The following MBD5 variants were observed in gnomAD, a reference collection of about 807,000 sequenced individuals.
The protein encoded by MBD5 is methyl-CpG-binding domain protein 5.
Under a neutral mutation model 117.3 loss-of-function variants are expected in MBD5, and 13 were observed. That is an observed-to-expected ratio of 0.11 (90% CI 0.07 to 0.18). The LOEUF (loss-of-function observed/expected upper bound fraction) is 0.18. Ranked by LOEUF, MBD5 falls within the 10% of genes least tolerant of loss-of-function variation. MBD5 has a pLI of 1.00. For missense variants in MBD5, 1,879 were observed against 2,093.8 expected (o/e 0.90, Z 2.00); for synonymous variants, 727 against 766.4 (o/e 0.95, Z 0.85).
intron 4 of MBD5, among the ~76,000 whole-genome samples, chr2:148,387,307 A>G (rs1260821161): frequency 1.3e-5 from 2 of 152,180 alleles, no homozygotes; most frequent in African/African-American, 4.8e-5. Context: ...AGAAAAAAAC[A>G]TGATCATCTC....
chr2:148,483,014 T>G, intron 8 of MBD5, 96 bp from the exon 9 acceptor site: 1 of 1,403,578 alleles, frequency 7.1e-7, no homozygotes, highest in Middle Eastern at 1.8e-4. Context: ...ATGGAACAAA[T>G]AAATTTAAAT....
At chr2:148,400,675 T>A (rs1268154945) in intron 4 of MBD5, among the ~76,000 whole-genome samples, 1 of 152,232 alleles carries the variant, frequency 6.6e-6, no homozygotes, top group African/African-American at 2.4e-5. Flanking sequence ...AAGCTCTGAA[T>A]ATCACTTTCT....
At chr2:148,046,380 C>T (rs1329247353) in intron 1 of MBD5, among the ~76,000 whole-genome samples, 1 of 152,124 alleles carries the variant, frequency 6.6e-6, no homozygotes, top group African/African-American at 2.4e-5. Flanking sequence ...TTAAACACAT[C>T]AAAATAATTC....
intron 4 of MBD5, among the ~76,000 whole-genome samples, chr2:148,404,083 T>C (rs1705005104): frequency 6.6e-6 from 1 of 152,112 alleles, no homozygotes; most frequent in Non-Finnish European, 1.5e-5. Context: ...ATTTTCCTGC[T>C]TCTGTGCATG....
intron 12 of MBD5, 51 bp downstream of exon 12, chr2:148,502,560 G>A: frequency 2.6e-6 from 4 of 1,537,206 alleles, no homozygotes; most frequent in Non-Finnish European, 3.6e-6. Flanking sequence ...ATAATTTACT[G>A]TTTTTCCATC....
At chr2:148,291,524 A>T (rs1432878947) in intron 3 of MBD5, among the ~76,000 whole-genome samples, 2 of 151,930 alleles carry the variant, frequency 1.3e-5, no homozygotes, top group East Asian at 1.9e-4. Context: ...AAAATAACCA[A>T]TTTTTTTTAA....
chr2:148,171,819 TAAGTG>T (rs1698270881), intron 1 of MBD5, among the ~76,000 whole-genome samples: 1 of 152,198 alleles, frequency 6.6e-6, no homozygotes, highest in South Asian at 2.1e-4. Context: ...TCTATACACT[TAAGTG>T]AACTGTCCAA....
chr2:148,079,857 AAACAACAACAACAACAACAAC>A (rs201427792), intron 1 of MBD5, among the ~76,000 whole-genome samples: 1 of 123,476 alleles, frequency 8.1e-6, no homozygotes, highest in African/African-American at 2.8e-5. Context: ...ACTCTGTCTA[AAACAACAACAACAACAACAAC>A]AACAACAACA....
Position 148,431,566 on chromosome 2 carries a change from A to C in MBD5, c.-556-26637A>C, listed in dbSNP as rs572451263. On this transcript the variant is annotated intron_variant, in intron 4 of 13. Transcript: ENST00000642680. The stretch of plus-strand genomic sequence containing the variant: ...CCACCTCCACTCTCAAGTAGGCCCC[A>C]GTGTCTGTTGTTCTTCTGTTATCCA... Among the ~76,000 whole-genome samples the C allele has an allele frequency of 1.4e-4, 21 of 152,072 alleles. No individual in the cohort carries two copies. In the South Asian group the frequency reaches 4.4e-3, roughly 32 times the overall value.
At chr2:148,058,604 T>A (rs1694940888) in intron 1 of MBD5, among the ~76,000 whole-genome samples, 4 of 152,086 alleles carry the variant, frequency 2.6e-5, no homozygotes, top group Admixed American at 2.0e-4. Context: ...CCACTGTCAT[T>A]TCTCTTTAAT....
intron 1 of MBD5, among the ~76,000 whole-genome samples, chr2:148,084,694 T>G (rs567641999): frequency 6.6e-6 from 1 of 152,312 alleles, no homozygotes; most frequent in African/African-American, 2.4e-5. Context: ...AAAACTTTTC[T>G]GGACATTAAA....
At chr2:148,062,132 C>A (rs1695052354) in intron 1 of MBD5, 1 of 151,516 alleles carries the variant, frequency 6.6e-6, no homozygotes, top group South Asian at 2.1e-4. Flanking sequence ...TAGAATTGCT[C>A]AACTAATTCT....
chr2:148,200,479 C>T (rs1699106815), intron 2 of MBD5, among the ~76,000 whole-genome samples: 1 of 152,216 alleles, frequency 6.6e-6, no homozygotes, highest in South Asian at 2.1e-4. Context: ...ATCATGAGGT[C>T]AGGAGATTGA....
intron 11 of MBD5, among the ~76,000 whole-genome samples, chr2:148,495,757 T>TA (rs1211151292): frequency 2.0e-5 from 3 of 152,204 alleles, no homozygotes; most frequent in African/African-American, 7.2e-5. Context: ...CAAGTAGAGA[T>TA]AAAAACAGCT....
intron 4 of MBD5, among the ~76,000 whole-genome samples, chr2:148,457,014 T>G (rs986343072): frequency 6.6e-6 from 1 of 152,202 alleles, no homozygotes; most frequent in Non-Finnish European, 1.5e-5. Context: ...TGTGTCTATT[T>G]ACACTGTTTA....
intron 1 of MBD5, among the ~76,000 whole-genome samples, chr2:148,158,915 G>A (rs557716884): frequency 4.0e-4 from 61 of 152,258 alleles, no homozygotes; most frequent in African/African-American, 1.4e-3. Flanking sequence ...GTAGAGACGG[G>A]GTTTCATCGT....
chr2:148,109,930 C>G (rs1696468570), intron 1 of MBD5, among the ~76,000 whole-genome samples: 1 of 152,168 alleles, frequency 6.6e-6, no homozygotes, highest in Non-Finnish European at 1.5e-5. Context: ...GTTCTAAGTA[C>G]TTTTCCATGT....
intron 4 of MBD5, among the ~76,000 whole-genome samples, chr2:148,411,306 A>G (rs1171459319): frequency 6.6e-6 from 1 of 152,112 alleles, no homozygotes; most frequent in Admixed American, 6.6e-5. Context: ...TGCAATGGGC[A>G]TATGCGTCCG....
chr2:148,290,351 A>G (rs1025366811), intron 3 of MBD5, among the ~76,000 whole-genome samples: 1 of 151,944 alleles, frequency 6.6e-6, no homozygotes, highest in African/African-American at 2.4e-5. Context: ...CTCTTGGGAA[A>G]GATATATTTC....
Sources: allele counts gnomAD v4.1 joint callset (sites outside exome capture counted in the v4.1 genomes callset), GRCh38; gene constraint gnomAD v4.1.1; transcripts MANE v1.5; gene names NCBI Gene and HGNC (gene_info 2026-07-23, HGNC 2026-07-21).